The following SPMIP7 variants were observed in gnomAD, a reference collection of about 807,000 sequenced individuals.
SPMIP7 encodes protein SPMIP7.
At chr7:50,110,652 T>C in the SPMIP7 span, among the ~76,000 whole-genome samples, 1,037 of 137,502 alleles carry the variant, frequency 7.5e-3, 21 homozygotes, top group African/African-American at 0.027. Flanking sequence ...ATATATTATA[T>C]AATGTGTGTA....
the SPMIP7 span, chr7:50,158,997 C>T: frequency 6.5e-7 from 1 of 1,539,052 alleles, no homozygotes. Flanking sequence ...TGTATTTGTA[C>T]ATGTCTTTTA....
At chr7:50,111,473 T>C in the SPMIP7 span, among the ~76,000 whole-genome samples, 1 of 152,274 alleles carries the variant, frequency 6.6e-6, no homozygotes, top group South Asian at 2.1e-4. Context: ...GCTGGCACCA[T>C]GTTGCTTACT....
chr7:50,147,620 A>G, the SPMIP7 span, among the ~76,000 whole-genome samples: 1 of 152,210 alleles, frequency 6.6e-6, no homozygotes, highest in Non-Finnish European at 1.5e-5. Context: ...TTCTACGTAT[A>G]ACATGGTTTT....
chr7:50,145,604 G>GTATA, the SPMIP7 span, among the ~76,000 whole-genome samples: 88 of 50,798 alleles, frequency 1.7e-3, 5 homozygotes, highest in South Asian at 0.031. Context: ...GTGTGTGTGT[G>GTATA]TGTATATGTG....
the SPMIP7 span, among the ~76,000 whole-genome samples, chr7:50,158,543 C>T: frequency 6.6e-6 from 1 of 151,588 alleles, no homozygotes; most frequent in East Asian, 1.9e-4. Context: ...CCCATGTCTC[C>T]TCTTGGCCGC....
At chr7:50,106,533 G>A in the SPMIP7 span, among the ~76,000 whole-genome samples, 3 of 152,144 alleles carry the variant, frequency 2.0e-5, no homozygotes, top group African/African-American at 4.8e-5. Context: ...TCAGGCAGAA[G>A]TAAATAACAT....
chr7:50,145,658 A>G, the SPMIP7 span, among the ~76,000 whole-genome samples: 1 of 114,608 alleles, frequency 8.7e-6, no homozygotes, highest in African/African-American at 3.4e-5. Flanking sequence ...ATATATATAT[A>G]TACATCTTAC....
the SPMIP7 span, among the ~76,000 whole-genome samples, chr7:50,114,444 A>G: frequency 6.6e-6 from 1 of 152,096 alleles, no homozygotes; most frequent in Non-Finnish European, 1.5e-5. Flanking sequence ...TATCCTGTAA[A>G]CCCTGGAGTT....
At chr7:50,144,055 G>A in the SPMIP7 span, among the ~76,000 whole-genome samples, 1 of 152,120 alleles carries the variant, frequency 6.6e-6, no homozygotes, top group African/African-American at 2.4e-5. Context: ...AAAGGATTCT[G>A]GGGTCAGAAT....
At chr7:50,133,258 T>C in the SPMIP7 span, among the ~76,000 whole-genome samples, 6 of 149,864 alleles carry the variant, frequency 4.0e-5, no homozygotes, top group Admixed American at 4.0e-4. Context: ...TGTGTGTGTT[T>C]AAAATAATTG....
the SPMIP7 span, among the ~76,000 whole-genome samples, chr7:50,114,788 G>C: frequency 0.02 from 3,119 of 152,236 alleles, 92 homozygotes; most frequent in African/African-American, 0.07. Flanking sequence ...CCAGCACTTT[G>C]GGACGCTGAG....
At chr7:50,136,973 A>AT in the SPMIP7 span, among the ~76,000 whole-genome samples, 4 of 151,636 alleles carry the variant, frequency 2.6e-5, no homozygotes, top group Middle Eastern at 3.4e-3. Context: ...AAATTTCTGT[A>AT]TTTTTTTTTC....
the SPMIP7 span, among the ~76,000 whole-genome samples, chr7:50,117,071 T>C: frequency 1.3e-5 from 2 of 152,210 alleles, no homozygotes; most frequent in Admixed American, 6.5e-5. Context: ...GGCCTCACCA[T>C]TGGGTTAGCT....
the SPMIP7 span, among the ~76,000 whole-genome samples, chr7:50,130,066 A>G: frequency 1.3e-5 from 2 of 152,178 alleles, no homozygotes; most frequent in Non-Finnish European, 2.9e-5. Context: ...AAGCCAAGAC[A>G]GAGAAAGTTT....
the SPMIP7 span, chr7:50,096,430 T>C: frequency 2.6e-6 from 4 of 1,551,698 alleles, no homozygotes; most frequent in Non-Finnish European, 3.5e-6. Flanking sequence ...GTCCTGGTGG[T>C]GATGCTGATT....
the SPMIP7 span, among the ~76,000 whole-genome samples, chr7:50,128,135 A>G: frequency 1.3e-5 from 2 of 152,176 alleles, no homozygotes; most frequent in African/African-American, 4.8e-5. Flanking sequence ...ATTAAGCCAT[A>G]AAAGAGAATA....
At chr7:50,156,772 C>G in the SPMIP7 span, among the ~76,000 whole-genome samples, 1 of 152,112 alleles carries the variant, frequency 6.6e-6, no homozygotes, top group Non-Finnish European at 1.5e-5. Context: ...TTCCTCCCTT[C>G]TGCCCCGCAG....
chr7:50,145,335 T>C, the SPMIP7 span, among the ~76,000 whole-genome samples: 1 of 151,430 alleles, frequency 6.6e-6, no homozygotes, highest in East Asian at 1.9e-4. Context: ...CCATATTCTT[T>C]GCAAGGGCTC....
At chr7:50,133,559 G>A in the SPMIP7 span, among the ~76,000 whole-genome samples, 1 of 152,120 alleles carries the variant, frequency 6.6e-6, no homozygotes, top group African/African-American at 2.4e-5. Context: ...CAGGAATTTA[G>A]CAGCTTCTGT....
Sources: allele counts gnomAD v4.1 joint callset (sites outside exome capture counted in the v4.1 genomes callset), GRCh38; gene constraint gnomAD v4.1.1; transcripts MANE v1.5; gene names NCBI Gene and HGNC (gene_info 2026-07-23, HGNC 2026-07-21).